EPSTI1: variants seen among roughly 807,000 people sequenced by gnomAD.
EPSTI1 encodes the protein epithelial-stromal interaction protein 1.
EPSTI1 carries 66 observed loss-of-function variants against 49.9 expected under a neutral mutation model. That is an observed-to-expected ratio of 1.32 (90% confidence interval 1.08 to 1.62). The LOEUF is 1.62. Among genes scored for constraint, EPSTI1 ranks in the 40% most tolerant of loss-of-function variants. The pLI, the probability that EPSTI1 is intolerant of heterozygous loss-of-function variation, is 0.00. For missense variants in EPSTI1, 394 were observed against 365.5 expected (o/e 1.08, Z -0.64); for synonymous variants, 137 against 130.7 (o/e 1.05, Z -0.33).
intron 2 of EPSTI1, chr13:42,970,327 A>G (rs1434005072): frequency 3.4e-6 from 1 of 293,244 alleles, no homozygotes; most frequent in East Asian, 6.7e-5. Context: ...TGTGGTCCCT[A>G]CCCTCAAGGA....
At chr13:42,905,181 A>G (rs1454091568) in intron 8 of EPSTI1, among the ~76,000 whole-genome samples, 1 of 152,194 alleles carries the variant, frequency 6.6e-6, no homozygotes, top group African/African-American at 2.4e-5. Flanking sequence ...AAAGACGGGA[A>G]GAGAGCAACA....
chr13:42,914,664 A>C (rs1196742362), intron 8 of EPSTI1, among the ~76,000 whole-genome samples: 1 of 152,192 alleles, frequency 6.6e-6, no homozygotes, highest in Non-Finnish European at 1.5e-5. Context: ...TCTTTTTTTA[A>C]ATTTGCTAGA....
intron 6 of EPSTI1, among the ~76,000 whole-genome samples, chr13:42,945,177 G>A (rs932995244): frequency 1.6e-4 from 24 of 152,302 alleles, no homozygotes; most frequent in African/African-American, 5.5e-4. Context: ...CCTCACAATC[G>A]TGGCGAAAAG....
chr13:42,946,851 G>T (rs530721081), intron 6 of EPSTI1, among the ~76,000 whole-genome samples: 1 of 152,302 alleles, frequency 6.6e-6, no homozygotes, highest in South Asian at 2.1e-4. Flanking sequence ...ACATGTGAAG[G>T]ATCTGGGTTA....
At chr13:42,897,457 C>T (rs1001043215) in intron 9 of EPSTI1, among the ~76,000 whole-genome samples, 22 of 152,174 alleles carry the variant, frequency 1.4e-4, no homozygotes, top group African/African-American at 3.9e-4. Flanking sequence ...GCCCTATTCC[C>T]GGAGCCTAGG....
chr13:42,978,870 T>C (rs747128269), intron 1 of EPSTI1, among the ~76,000 whole-genome samples: 1 of 152,240 alleles, frequency 6.6e-6, no homozygotes, highest in Non-Finnish European at 1.5e-5. Context: ...TGATTCCCTT[T>C]GCTGCATCTT....
In EPSTI1 at chr13:42,917,639, A is replaced by ATTT; in HGVS notation, c.658-16_658-15insAAA. The ATTT allele has an allele frequency of 7.9e-6, 9 of 1,133,182 alleles. No homozygotes were observed. The highest frequency in any genetic ancestry group is 9.8e-6 in the Non-Finnish European group (8 of 817,580). The allele number at this position is 1,133,182 out of a possible 1,614,324, so 70.2% of individuals were successfully genotyped here. On this transcript the variant is annotated splice_polypyrimidine_tract_variant and intron_variant, in intron 7 of 10. Coordinates refer to ENST00000313624, the MANE Select transcript of EPSTI1 (RefSeq NM_033255.5). ...CAGCTTCTGGCCTGTAAAGGTACAA[A>ATTT]GAGAAAAAAAAAAAAAAAAACAACT... is the stretch of plus-strand genomic sequence containing the variant.
chr13:42,964,112 C>G lies in EPSTI1; in HGVS notation c.359G>C (p.Arg120Thr). 1.2e-6 allele frequency: 2 copies of G among 1,613,412 alleles called. No homozygotes were observed. The highest frequency in any genetic ancestry group is 1.7e-6 in the Non-Finnish European group (2 of 1,179,684). ...CATCAGCTGGAGTTGTTGTTTCTGT[C>G]TGACTTCAGTTTCTGACTGGCTTCC... Reference protein sequence around the residue: ...LGGSQSETEVRQKQQLQLMQS... With the variant: ...LGGSQSETEVTQKQQLQLMQS... Residue 120 changes from arginine (R) to threonine (T), a missense_variant, in exon 4 of 11, where the codon AGA becomes ACA. Physicochemically the swap from Arg to Thr is moderately conservative, Grantham distance 71. Transcript: ENST00000313624.
chr13:42,948,876 A>G (rs2039005212), intron 6 of EPSTI1, among the ~76,000 whole-genome samples: 1 of 152,248 alleles, frequency 6.6e-6, no homozygotes, highest in African/African-American at 2.4e-5. Flanking sequence ...ATGTGTAAAC[A>G]GGAGATAAAA....
At chr13:42,971,624 A>AC (rs1378478704) in intron 1 of EPSTI1, among the ~76,000 whole-genome samples, 5 of 151,058 alleles carry the variant, frequency 3.3e-5, no homozygotes, top group Admixed American at 3.3e-4. Flanking sequence ...GAGGGAAAAA[A>AC]CCCCACCCAG....
chr13:42,986,674 G>A (rs917348882), intron 1 of EPSTI1, among the ~76,000 whole-genome samples: 2 of 150,058 alleles, frequency 1.3e-5, no homozygotes, highest in Admixed American at 1.3e-4. Context: ...GAATCTGGGA[G>A]GCAGAGGTGG....
At position 42,967,696 on chromosome 13, in the gene EPSTI1, G is replaced by A. The variant is rs1332798218; in HGVS notation, c.331+1398C>T. On this transcript the variant is annotated intron_variant, in intron 3 of 10. Transcript: ENST00000313624. Reference sequence around the variant, plus strand: ...TCAGGGAAATCCAGGTGGGAGATGGGTAGCAGAGAGTGGGGGATGCTGAAA... The same window carrying A: ...TCAGGGAAATCCAGGTGGGAGATGGATAGCAGAGAGTGGGGGATGCTGAAA... 2.0e-5 allele frequency among the ~76,000 whole-genome samples: 3 copies of A among 152,326 alleles called. No individual in the cohort carries two copies. In the East Asian group the frequency reaches 5.8e-4, roughly 29 times the overall value.
chr13:42,921,607 G>T (rs9315972), intron 7 of EPSTI1, among the ~76,000 whole-genome samples: 140,183 of 152,182 alleles, frequency 0.92, 65,433 homozygotes, highest in Non-Finnish European at 1. Flanking sequence ...TTTAAAACAG[G>T]GATTCTCAAC....
chr13:42,951,451 CTG>C (rs2039093437), intron 6 of EPSTI1, among the ~76,000 whole-genome samples: 1 of 152,200 alleles, frequency 6.6e-6, no homozygotes, highest in South Asian at 2.1e-4. Context: ...TAGCCAAACT[CTG>C]TTTTTCCTGG....
intron 3 of EPSTI1, among the ~76,000 whole-genome samples, chr13:42,967,988 A>G (rs187544180): frequency 9.8e-5 from 15 of 152,308 alleles, no homozygotes; most frequent in Non-Finnish European, 1.5e-4. Context: ...AATTTTGATC[A>G]GTACCTAAGA....
chr13:42,953,956 A>T lies in EPSTI1; in HGVS notation c.555T>A (p.His185Gln), dbSNP rs1391773989. Residue 185 changes from histidine to glutamine, a missense_variant, in exon 6 of 11, where the codon CAT becomes CAA. Coordinates refer to ENST00000313624, the MANE Select transcript of EPSTI1 (RefSeq NM_033255.5). The stretch of plus-strand genomic sequence containing the variant: ...TGAAAACATTAACTTACTATTGCTG[A>T]TGCTCTCTAAATGCTTCTCTTCTAA... ...ENLRREAFRE[H>Q]QQYKTAEFLS... is the part of the protein sequence containing the mutation. The T allele has an allele frequency of 4.3e-6, 7 of 1,612,442 alleles. No individual in the cohort carries two copies. Among genetic ancestry groups the T allele is most frequent in the Middle Eastern group, 1.6e-4 (1 of 6,078 alleles).
chr13:42,891,100 C>T (rs900752900), intron 10 of EPSTI1, among the ~76,000 whole-genome samples: 7 of 152,176 alleles, frequency 4.6e-5, no homozygotes, highest in African/African-American at 1.7e-4. Context: ...CAAATTCTAT[C>T]TCATCAGGAT....
intron 1 of EPSTI1, among the ~76,000 whole-genome samples, chr13:42,987,159 A>G (rs1656779609): frequency 6.6e-6 from 1 of 152,160 alleles, no homozygotes; most frequent in Admixed American, 6.5e-5. Context: ...TGGTGGGTAG[A>G]CATACAGGTA....
intron 8 of EPSTI1, among the ~76,000 whole-genome samples, chr13:42,905,776 A>C (rs1360234662): frequency 6.6e-6 from 1 of 152,204 alleles, no homozygotes; most frequent in Non-Finnish European, 1.5e-5. Flanking sequence ...CACACCCAGA[A>C]ACAACTCTGA....
Sources: gnomAD v4.1 joint callset for allele counts (sites outside exome capture counted in the v4.1 genomes callset) on GRCh38, gnomAD v4.1.1 for gene constraint, MANE v1.5 for transcripts, NCBI Gene and HGNC (gene_info 2026-07-23, HGNC 2026-07-21) for gene names.